Variants in CHST11 observed in about 807,000 individuals in gnomAD.
The protein encoded by CHST11 is C4S-1.
Under a neutral mutation model 30.4 loss-of-function variants are expected in CHST11, and 9 were observed. The ratio of observed to expected loss-of-function variants is 0.30; its 90% CI spans 0.18 to 0.52. The LOEUF (loss-of-function observed/expected upper bound fraction) is 0.52, where lower values mean the gene tolerates loss of function less well. CHST11 is among the 20% of genes least tolerant of loss of function. CHST11 has a pLI of 0.97. For missense variants in CHST11, 348 were observed against 460.6 expected (o/e 0.76, Z 2.24); for synonymous variants, 152 against 187.8 (o/e 0.81, Z 1.56).
chr12:104,746,223 C>T (rs969003567), intron 2 of CHST11, among the ~76,000 whole-genome samples: 2 of 152,104 alleles, frequency 1.3e-5, no homozygotes, highest in Non-Finnish European at 2.9e-5. Flanking sequence ...TTCAAGGTGC[C>T]GAGGCCATTC....
chr12:104,683,553 T>C (rs1004437119), intron 2 of CHST11, among the ~76,000 whole-genome samples: 2 of 152,150 alleles, frequency 1.3e-5, no homozygotes, highest in Admixed American at 6.5e-5. Context: ...TTCAGAAATA[T>C]GGATAGATTT....
intron 2 of CHST11, among the ~76,000 whole-genome samples, chr12:104,630,484 A>G (rs1264532475): frequency 1.3e-5 from 2 of 152,252 alleles, no homozygotes; most frequent in East Asian, 3.8e-4. Context: ...GTGGGCTCCC[A>G]GCTTAGAAAT....
chr12:104,694,753 A>G (rs1029265107), intron 2 of CHST11, among the ~76,000 whole-genome samples: 1 of 152,194 alleles, frequency 6.6e-6, no homozygotes, highest in African/African-American at 2.4e-5. Context: ...AGCTGTCACT[A>G]GAGCTGTTCG....
intron 2 of CHST11, among the ~76,000 whole-genome samples, chr12:104,704,299 G>A (rs1453672687): frequency 2.0e-5 from 3 of 152,210 alleles, no homozygotes; most frequent in Non-Finnish European, 2.9e-5. Context: ...ACCCAGGAAG[G>A]CCAGGGCTGT....
At chr12:104,723,086 T>C (rs986942144) in intron 2 of CHST11, among the ~76,000 whole-genome samples, 1 of 152,032 alleles carries the variant, frequency 6.6e-6, no homozygotes, top group African/African-American at 2.4e-5. Context: ...ACTGAGGCCC[T>C]GTGGCTCAGT....
At chr12:104,617,945 A>G (rs897834447) in intron 2 of CHST11, among the ~76,000 whole-genome samples, 1 of 148,546 alleles carries the variant, frequency 6.7e-6, no homozygotes, top group African/African-American at 2.5e-5. Flanking sequence ...GTCTCACTCT[A>G]TTGCCCAGGC....
At chr12:104,739,894 T>C (rs997157634) in intron 2 of CHST11, among the ~76,000 whole-genome samples, 1 of 152,262 alleles carries the variant, frequency 6.6e-6, no homozygotes, top group Non-Finnish European at 1.5e-5. Flanking sequence ...TCTGCCTGAC[T>C]CCAGAGTCTG....
chr12:104,545,160 A>G (rs1024991402), intron 1 of CHST11, among the ~76,000 whole-genome samples: 3 of 131,528 alleles, frequency 2.3e-5, no homozygotes, highest in Non-Finnish European at 4.9e-5. Context: ...TACAAATTGA[A>G]AAGCAAAAAA....
At chr12:104,607,272 G>A (rs749519644) in intron 2 of CHST11, among the ~76,000 whole-genome samples, 1 of 152,132 alleles carries the variant, frequency 6.6e-6, no homozygotes, top group Non-Finnish European at 1.5e-5. Context: ...TTCATTGAAT[G>A]TTTTAGATTG....
chr12:104,688,929 TGGGCAAGAAG>T lies in CHST11; in HGVS notation c.205-68008_205-67999del, dbSNP rs550497534. On this transcript the variant is annotated intron_variant, in intron 2 of 2. Coordinates refer to ENST00000303694, the MANE Select transcript of CHST11 (RefSeq NM_018413.6). Reference sequence around the variant, plus strand: ...TGAGCCCAGGAGTTCGAGACCAGCCTGGGCAAGAAGGGGCAAGAAGGAGCAAGAGGAGGAG... The same window carrying T: ...TGAGCCCAGGAGTTCGAGACCAGCCTGGGCAAGAAGGAGCAAGAGGAGGAG... 1.5e-3 allele frequency among the ~76,000 whole-genome samples: 236 copies of T among 152,272 alleles called. 2 individuals carry two copies. Among genetic ancestry groups the T allele is most frequent in the African/African-American group, 4.9e-3 (202 of 41,546 alleles).
chr12:104,536,573 G>C (rs767777073), intron 1 of CHST11, among the ~76,000 whole-genome samples: 1 of 152,222 alleles, frequency 6.6e-6, no homozygotes, highest in Non-Finnish European at 1.5e-5. Context: ...TTGATCGGGA[G>C]GAGTCTGGAT....
At chr12:104,497,077 G>A (rs1174502191) in intron 1 of CHST11, among the ~76,000 whole-genome samples, 5 of 152,158 alleles carry the variant, frequency 3.3e-5, no homozygotes, top group Admixed American at 1.3e-4. Flanking sequence ...GTCATAAGAC[G>A]TTCACTTAAC....
intron 1 of CHST11, among the ~76,000 whole-genome samples, chr12:104,572,834 A>T (rs1236947385): frequency 2.0e-5 from 3 of 152,022 alleles, no homozygotes; most frequent in Non-Finnish European, 4.4e-5. Context: ...CTTTATTGCT[A>T]TTCAACATAG....
rs1037520974 is a variant in CHST11, at chr12:104,642,637, C to T, written c.204+40646C>T. The stretch of plus-strand genomic sequence containing the variant: ...CTGGCCTAGAACTCCTGGGCCCAAG[C>T]GATCCTCCTGCCTCAGCGTTCACAA... On this transcript the variant is annotated intron_variant, in intron 2 of 2. Coordinates refer to ENST00000303694, the MANE Select transcript of CHST11 (RefSeq NM_018413.6). Among the ~76,000 whole-genome samples, 7 of 152,000 alleles carry T rather than the reference C, an allele frequency of 4.6e-5. No individual in the cohort carries two copies. In the East Asian group the frequency reaches 9.6e-4, roughly 21 times the overall value.
intron 1 of CHST11, among the ~76,000 whole-genome samples, chr12:104,522,721 A>G (rs1199139700): frequency 2.6e-5 from 4 of 151,994 alleles, no homozygotes; most frequent in Non-Finnish European, 5.9e-5. Flanking sequence ...GCCTCAGGCA[A>G]TCCTCCTGCC....
intron 2 of CHST11, among the ~76,000 whole-genome samples, chr12:104,688,859 G>A (rs2039871850): frequency 6.6e-6 from 1 of 152,190 alleles, no homozygotes; most frequent in Non-Finnish European, 1.5e-5. Flanking sequence ...ATGGTGATGA[G>A]CCTGCAGGCC....
intron 2 of CHST11, among the ~76,000 whole-genome samples, chr12:104,696,368 G>A (rs2039944742): frequency 6.6e-6 from 1 of 151,746 alleles, no homozygotes; most frequent in Non-Finnish European, 1.5e-5. Context: ...CAGGCACGGT[G>A]GCTCACGCCT....
intron 1 of CHST11, among the ~76,000 whole-genome samples, chr12:104,534,340 C>G (rs1406125570): frequency 6.6e-6 from 1 of 152,162 alleles, no homozygotes; most frequent in East Asian, 1.9e-4. Flanking sequence ...GACCCTGAAA[C>G]CGTCTGTGGT....
chr12:104,628,186 T>C (rs1299925855), intron 2 of CHST11, among the ~76,000 whole-genome samples: 1 of 152,200 alleles, frequency 6.6e-6, no homozygotes, highest in Non-Finnish European at 1.5e-5. Flanking sequence ...ACATTCGCCA[T>C]TAAACCCGAG....
Sources: allele counts gnomAD v4.1 joint callset (sites outside exome capture counted in the v4.1 genomes callset), GRCh38; gene constraint gnomAD v4.1.1; transcripts MANE v1.5; gene names NCBI Gene and HGNC (gene_info 2026-07-23, HGNC 2026-07-21).